The following PCSK2 variants were observed in gnomAD, a reference collection of about 807,000 sequenced individuals.
PCSK2 encodes proprotein convertase subtilisin/kexin type 2.
In PCSK2, 14 loss-of-function variants were observed where a neutral mutation model predicts 69.7. That is an observed-to-expected ratio of 0.20 (90% CI 0.13 to 0.31). The LOEUF is 0.31. Among genes scored for constraint, PCSK2 ranks in the 10% least tolerant of loss-of-function variants. PCSK2 has a pLI of 1.00. For missense variants in PCSK2, 544 were observed against 842.5 expected (o/e 0.65, Z 4.39); for synonymous variants, 307 against 320.7 (o/e 0.96, Z 0.46).
intron 2 of PCSK2, among the ~76,000 whole-genome samples, chr20:17,333,936 TGG>T (rs1568606939): frequency 3.4e-4 from 46 of 136,834 alleles, no homozygotes; most frequent in South Asian, 7.3e-4. Flanking sequence ...TATATATATA[TGG>T]CTTCAAATCT....
In PCSK2 at chr20:17,424,910, G is replaced by A. The variant is rs556313947; in HGVS notation, c.621-4525G>A. Among the ~76,000 whole-genome samples the A allele has an allele frequency of 4.6e-5, 7 of 151,886 alleles. No individual in the cohort carries two copies. In the South Asian group the frequency reaches 8.3e-4, roughly 18 times the overall value. ...AGCAATTCTCATGTCTCAGCCTCCC[G>A]AGTAGCTAGAACTACAGAGACAGGC... On this transcript the variant is annotated intron_variant, in intron 6 of 11. Coordinates refer to ENST00000262545, the MANE Select transcript of PCSK2 (RefSeq NM_002594.5).
intron 5 of PCSK2, among the ~76,000 whole-genome samples, chr20:17,378,131 T>C (rs1319582584): frequency 6.6e-6 from 1 of 152,156 alleles, no homozygotes; most frequent in Non-Finnish European, 1.5e-5. Flanking sequence ...TGCTTAGTGC[T>C]AACCTGGAAA....
intron 1 of PCSK2, among the ~76,000 whole-genome samples, chr20:17,249,277 C>G (rs552919799): frequency 6.6e-6 from 1 of 152,040 alleles, no homozygotes; most frequent in African/African-American, 2.4e-5. Context: ...GAGGCTGAGG[C>G]GGGCGGATCA....
Position 17,360,639 on chromosome 20 carries a change from T to C in PCSK2, c.504T>C (p.Asp168=), listed in dbSNP as rs757392279. 5.1e-6 allele frequency: 8 copies of C among 1,563,530 alleles called. 1 individual carries two copies. In the Admixed American group the frequency reaches 1.2e-4, roughly 23 times the overall value. Residue 168 remains aspartate (D), a splice_region_variant and synonymous_variant, in exon 4 of 12, where the codon GAT becomes GAC. Transcript: ENST00000262545. ...GTGTTACCATTGGAATTATGGATGATGGTGAGTATTTTGAAGCCTGTGCCT... is the reference window on the plus strand; with the variant it reads ...GTGTTACCATTGGAATTATGGATGACGGTGAGTATTTTGAAGCCTGTGCCT... ...GKGVTIGIMD[D]GIDYLHPDLA...
chr20:17,471,239 G>A lies in PCSK2; in HGVS notation c.1430+5686G>A, dbSNP rs1043726190. Among the ~76,000 whole-genome samples the A allele has an allele frequency of 2.6e-5, 4 of 152,172 alleles. No homozygotes were observed. The South Asian group carries it at 8.3e-4, about 32-fold the overall frequency. On this transcript the variant is annotated intron_variant, in intron 11 of 11. Coordinates refer to ENST00000262545, the MANE Select transcript of PCSK2 (RefSeq NM_002594.5). ...AATCTGCATACATGTGGAATTTAAG[G>A]CCAGAGAGAACACTGGAAATAATGT...
At chr20:17,303,523 TATA>T (rs1989213077) in intron 2 of PCSK2, among the ~76,000 whole-genome samples, 1 of 30,754 alleles carries the variant, frequency 3.3e-5, no homozygotes, top group South Asian at 7.1e-4. Flanking sequence ...TATAATATAA[TATA>T]TATTATATTA....
intron 6 of PCSK2, among the ~76,000 whole-genome samples, chr20:17,424,951 A>AT (rs960884298): frequency 4.0e-5 from 6 of 151,178 alleles, no homozygotes; most frequent in Non-Finnish European, 5.9e-5. Context: ...TACCTGGCTA[A>AT]TTTTTTTGTG....
chr20:17,267,036 T>C (rs1048250229), intron 2 of PCSK2, among the ~76,000 whole-genome samples: 2 of 152,128 alleles, frequency 1.3e-5, no homozygotes, highest in Admixed American at 1.3e-4. Flanking sequence ...TCAAGAGGCA[T>C]TTTCTGGGAT....
rs553668514 is a variant in PCSK2 at position 17,409,311 on chromosome 20, C to A, written c.592C>A (p.Pro198Thr). Residue 198 changes from proline to threonine, a missense_variant, in exon 6 of 12, where the codon CCT becomes ACT. Coordinates refer to ENST00000262545, the MANE Select transcript of PCSK2 (RefSeq NM_002594.5). ...DFSSNDPYPY[P>T]RYTDDWFNSH... Reference sequence around the variant, plus strand: ...CAGCAGCAACGACCCCTATCCTTACCCTCGGTACACAGATGACTGGTTTAA... The same window carrying A: ...CAGCAGCAACGACCCCTATCCTTACACTCGGTACACAGATGACTGGTTTAA... The A allele has an allele frequency of 6.2e-7, 1 of 1,613,804 alleles. No individual in the cohort carries two copies. The highest frequency in any genetic ancestry group is 1.3e-5 in the African/African-American group (1 of 75,026).
At chr20:17,313,412 C>T (rs1373449021) in intron 2 of PCSK2, among the ~76,000 whole-genome samples, 8 of 152,096 alleles carry the variant, frequency 5.3e-5, no homozygotes, top group Non-Finnish European at 8.8e-5. Context: ...TGACCTCCAT[C>T]ACCAGAAGAG....
intron 4 of PCSK2, among the ~76,000 whole-genome samples, chr20:17,368,312 C>A (rs577242182): frequency 6.3e-4 from 96 of 152,268 alleles, no homozygotes; most frequent in African/African-American, 2.3e-3. Context: ...ATTGTTCTCA[C>A]CCCCAGTTGA....
At chr20:17,431,663 G>A (rs1424676804) in intron 7 of PCSK2, among the ~76,000 whole-genome samples, 1 of 152,310 alleles carries the variant, frequency 6.6e-6, no homozygotes, top group Non-Finnish European at 1.5e-5. Context: ...CAAGGGCTGC[G>A]AGGCTCCAGT....
At chr20:17,259,012 A>G (rs149190319) in intron 1 of PCSK2, among the ~76,000 whole-genome samples, 130 of 151,936 alleles carry the variant, frequency 8.6e-4, no homozygotes, top group Middle Eastern at 3.4e-3. Context: ...AAAATAAAAT[A>G]ATAATAATAA....
Position 17,279,710 on chromosome 20 carries a change from C to G in PCSK2, c.282+19366C>G, listed in dbSNP as rs574449789. Among the ~76,000 whole-genome samples, 6 of 151,276 alleles carry G rather than the reference C, an allele frequency of 4.0e-5. No homozygotes were observed. In the South Asian group the frequency reaches 1.0e-3, roughly 26 times the overall value. On this transcript the variant is annotated intron_variant, in intron 2 of 11. Transcript: ENST00000262545. ...GCTGAGGCAGGAGAATGGCCTGAACCCGGGAGGCAGTGGTTGCTGTGAGCC... is the reference window on the plus strand; with the variant it reads ...GCTGAGGCAGGAGAATGGCCTGAACGCGGGAGGCAGTGGTTGCTGTGAGCC...
chr20:17,381,443 T>A (rs1398360282), intron 5 of PCSK2, among the ~76,000 whole-genome samples: 2 of 152,274 alleles, frequency 1.3e-5, no homozygotes, highest in East Asian at 3.9e-4. Flanking sequence ...ACTCAAGCAT[T>A]GCCAATTTTT....
intron 11 of PCSK2, among the ~76,000 whole-genome samples, chr20:17,468,577 G>A (rs1027724987): frequency 6.7e-6 from 1 of 150,370 alleles, no homozygotes; most frequent in Non-Finnish European, 1.5e-5. Context: ...TCCTGCTGTA[G>A]ACGGGCAGCC....
intron 2 of PCSK2, among the ~76,000 whole-genome samples, chr20:17,310,637 G>A (rs1640273793): frequency 6.6e-6 from 1 of 150,516 alleles, no homozygotes; most frequent in Admixed American, 6.7e-5. Flanking sequence ...AGATTAGAGA[G>A]TAGGTTTCAT....
At chr20:17,319,267 A>G (rs1251814993) in intron 2 of PCSK2, among the ~76,000 whole-genome samples, 1 of 152,216 alleles carries the variant, frequency 6.6e-6, no homozygotes, top group Non-Finnish European at 1.5e-5. Flanking sequence ...ATTACCACAA[A>G]AAGTATTTAT....
At chr20:17,432,607 A>G (rs1349375985) in intron 7 of PCSK2, among the ~76,000 whole-genome samples, 2 of 152,152 alleles carry the variant, frequency 1.3e-5, no homozygotes, top group African/African-American at 2.4e-5. Context: ...AACATCTTCA[A>G]TCAAAAAGAT....
Sources: allele counts gnomAD v4.1 joint callset (sites outside exome capture counted in the v4.1 genomes callset), GRCh38; gene constraint gnomAD v4.1.1; transcripts MANE v1.5; gene names NCBI Gene and HGNC (gene_info 2026-07-23, HGNC 2026-07-21).